The following PKP2 variants were observed in gnomAD, a reference collection of about 807,000 sequenced individuals.
The protein encoded by PKP2 is plakophilin-2.
Under a neutral mutation model 83.4 loss-of-function variants are expected in PKP2, and 73 were observed. The observed-to-expected ratio is 0.88, with a 90% CI of 0.72 to 1.06. The LOEUF (loss-of-function observed/expected upper bound fraction) is 1.06, where lower values mean the gene tolerates loss of function less well. Among genes scored for constraint, PKP2 ranks in the 50% least tolerant of loss-of-function variants. PKP2 has a pLI of 0.00. For missense variants in PKP2, 966 were observed against 1,065.4 expected, an observed-to-expected ratio of 0.91 and a Z score of 1.30; for synonymous variants, 409 against 430.4, an observed-to-expected ratio of 0.95 and a Z score of 0.62.
In PKP2 at chr12:32,796,295, T is replaced by C. The variant is rs201487421; in HGVS notation, c.2171A>G (p.Lys724Arg). The C allele has an allele frequency of 1.2e-6, 2 of 1,610,284 alleles. No individual in the cohort carries two copies. The highest frequency in any genetic ancestry group is 2.2e-5 in the East Asian group (1 of 44,576). The change falls in exon 11 of 13, where the codon AAA becomes AGA. Residue 724 changes from lysine to arginine, a missense_variant. By Grantham distance (26) the Lys-to-Arg change is conservative. Coordinates refer to ENST00000340811, the MANE Select transcript of PKP2 (RefSeq NM_001005242.3). The stretch of plus-strand genomic sequence containing the variant: ...GGAAACCAAATCAGGGAGAGTTTCT[T>C]TGGCTACAAAATGAAAAAAAAAACA... ...RNLSLQNEIA[K>R]ETLPDLVSII...
At chr12:32,886,725 C>T (rs921333940) in intron 1 of PKP2, among the ~76,000 whole-genome samples, 2 of 152,274 alleles carry the variant, frequency 1.3e-5, no homozygotes, top group Admixed American at 1.3e-4. Context: ...GGCAGGGTGG[C>T]TCACACTAGC....
chr12:32,798,765 C>G (rs968795233), intron 10 of PKP2, among the ~76,000 whole-genome samples: 2 of 152,166 alleles, frequency 1.3e-5, no homozygotes, highest in Non-Finnish European at 2.9e-5. Flanking sequence ...CAAAAATCAA[C>G]TCAAGATGGA....
intron 4 of PKP2, among the ~76,000 whole-genome samples, chr12:32,851,671 T>C (rs1249346294): frequency 6.6e-6 from 1 of 152,156 alleles, no homozygotes; most frequent in Non-Finnish European, 1.5e-5. Context: ...GGTTTCACCA[T>C]GTTAGCTGGG....
At chr12:32,874,091 C>T (rs1956914592) in intron 3 of PKP2, among the ~76,000 whole-genome samples, 1 of 152,180 alleles carries the variant, frequency 6.6e-6, no homozygotes, top group Non-Finnish European at 1.5e-5. Context: ...TTTTGGAAAG[C>T]CAGGTCCATT....
At chr12:32,822,957 G>A (rs1255044049) in intron 7 of PKP2, among the ~76,000 whole-genome samples, 2 of 152,152 alleles carry the variant, frequency 1.3e-5, no homozygotes, top group Non-Finnish European at 2.9e-5. Flanking sequence ...TGTTTATAGG[G>A]ACCAACTAGG....
In PKP2 at chr12:32,792,038, A is replaced by G. The variant is rs1956072096; in HGVS notation, c.*386T>C. The G allele has an allele frequency of 3.0e-6, 1 of 330,682 alleles. No individual in the cohort carries two copies. The highest frequency in any genetic ancestry group is 2.2e-5 in the African/African-American group (1 of 46,372). The allele number at this position is 330,682 out of a possible 1,614,324, so 20.5% of individuals were successfully genotyped here. ...GCGAAGCAATGTGCACATGAGTGAC[A>G]AAACATGGGAACCAGAAAAGGAATA... On this transcript the variant is annotated 3_prime_UTR_variant, in exon 13 of 13. Coordinates refer to ENST00000340811, the MANE Select transcript of PKP2 (RefSeq NM_001005242.3).
intron 9 of PKP2, among the ~76,000 whole-genome samples, chr12:32,808,972 C>T (rs540390066): frequency 6.6e-6 from 1 of 152,248 alleles, no homozygotes; most frequent in Non-Finnish European, 1.5e-5. Flanking sequence ...TTCTGGAGAC[C>T]CTTATTGAAA....
At chr12:32,834,104 C>T (rs1420425478) in intron 6 of PKP2, among the ~76,000 whole-genome samples, 1 of 152,158 alleles carries the variant, frequency 6.6e-6, no homozygotes, top group East Asian at 1.9e-4. Flanking sequence ...AGAAAAAATT[C>T]CCAACTCCCA....
At chr12:32,800,355 A>G (rs1226288493) in intron 10 of PKP2, among the ~76,000 whole-genome samples, 1 of 152,218 alleles carries the variant, frequency 6.6e-6, no homozygotes, top group African/African-American at 2.4e-5. Flanking sequence ...CCTGAAATGG[A>G]CAAGTACTCA....
intron 3 of PKP2, among the ~76,000 whole-genome samples, chr12:32,870,015 TG>T: frequency 6.6e-6 from 1 of 151,930 alleles, no homozygotes; most frequent in East Asian, 1.9e-4. Flanking sequence ...AGCAACAGAG[TG>T]AGACTCTGTT....
At chr12:32,892,907 C>T (rs2137998784) in intron 1 of PKP2, among the ~76,000 whole-genome samples, 1 of 147,558 alleles carries the variant, frequency 6.8e-6, no homozygotes, top group Admixed American at 6.9e-5. Flanking sequence ...TTCCCTTTGC[C>T]AATACTTGCA....
At chr12:32,833,824 T>C (rs7966490) in intron 6 of PKP2, among the ~76,000 whole-genome samples, 15,247 of 152,222 alleles carry the variant, frequency 0.1, 861 homozygotes, top group African/African-American at 0.15. Context: ...AAATGTGTAA[T>C]GACAAATTCT....
chr12:32,862,194 G>A (rs1956805681), intron 4 of PKP2, among the ~76,000 whole-genome samples: 2 of 152,252 alleles, frequency 1.3e-5, no homozygotes, highest in Non-Finnish European at 2.9e-5. Flanking sequence ...ACCACGCCGT[G>A]GCCAACTTTC....
chr12:32,869,783 G>A (rs558282837), intron 3 of PKP2, among the ~76,000 whole-genome samples: 2 of 152,246 alleles, frequency 1.3e-5, no homozygotes, highest in East Asian at 3.9e-4. Flanking sequence ...ACTTTGCGAG[G>A]GCAAGGCAGG....
At chr12:32,877,150 C>A (rs935916234) in intron 3 of PKP2, among the ~76,000 whole-genome samples, 1 of 152,134 alleles carries the variant, frequency 6.6e-6, no homozygotes, top group African/African-American at 2.4e-5. Flanking sequence ...ATCAGCCATC[C>A]ATTTCTCAAT....
At chr12:32,855,794 A>AAAAG (rs1459718298) in intron 4 of PKP2, among the ~76,000 whole-genome samples, 17 of 148,384 alleles carry the variant, frequency 1.1e-4, no homozygotes, top group African/African-American at 4.1e-4. Flanking sequence ...AAAAAAAAAA[A>AAAAG]AGGAAGAAAA....
intron 4 of PKP2, among the ~76,000 whole-genome samples, chr12:32,852,655 G>A (rs772006107): frequency 2.6e-5 from 4 of 152,170 alleles, no homozygotes; most frequent in Non-Finnish European, 5.9e-5. Context: ...AGGCTTCACT[G>A]GACGTAATAA....
chr12:32,877,917 G>A lies in PKP2; in HGVS notation c.963C>T (p.Val321=), dbSNP rs202207343. The change falls in exon 3 of 13, where the codon GTC becomes GTT. Residue 321 remains valine (V), a synonymous_variant. Coordinates refer to ENST00000340811, the MANE Select transcript of PKP2 (RefSeq NM_001005242.3). ...DSSGRRAHLT[V]GQAAAGGSGN... The stretch of plus-strand genomic sequence containing the variant: ...CACTTCCCCCTGCGGCCGCCTGGCC[G>A]ACAGTCAAGTGCGCTCTCCTCCCGC... 30 of 1,614,006 alleles carry A rather than the reference G, an allele frequency of 1.9e-5. No individual in the cohort carries two copies. Among genetic ancestry groups the A allele is most frequent in the Admixed American group, 3.3e-5 (2 of 60,008 alleles).
At chr12:32,794,019 C>A (rs10772000) in intron 11 of PKP2, among the ~76,000 whole-genome samples, 70,896 of 151,952 alleles carry the variant, frequency 0.47, 19,180 homozygotes, top group Non-Finnish European at 0.62. Flanking sequence ...AACAAAGATT[C>A]TTTTTCCCCC....
Sources: gnomAD v4.1 joint callset for allele counts (sites outside exome capture counted in the v4.1 genomes callset) on GRCh38, gnomAD v4.1.1 for gene constraint, MANE v1.5 for transcripts, NCBI Gene and HGNC (gene_info 2026-07-23, HGNC 2026-07-21) for gene names.